Variants in DOCK3 observed in about 807,000 individuals in gnomAD.
The protein encoded by DOCK3 is dedicator of cytokinesis 3, also known as dedicator of cytokinesis protein 3.
A neutral mutation model predicts 265.6 loss-of-function variants in DOCK3; 60 were observed. The ratio of observed to expected loss-of-function variants is 0.23; its 90% CI spans 0.18 to 0.28. The LOEUF is 0.28. Among genes scored for constraint, DOCK3 ranks in the 10% least tolerant of loss-of-function variants. The probability of loss-of-function intolerance (pLI) is 1.00; values close to 1 mark genes in which losing one functional copy is unlikely to be tolerated. For missense variants in DOCK3, 1,981 were observed against 2,594.3 expected, an observed-to-expected ratio of 0.76 and a Z score of 5.14; for synonymous variants, 881 against 938.0, an observed-to-expected ratio of 0.94 and a Z score of 1.11.
intron 9 of DOCK3, among the ~76,000 whole-genome samples, chr3:51,107,201 AC>A (rs1385834817): frequency 6.6e-6 from 1 of 152,138 alleles, no homozygotes; most frequent in East Asian, 1.9e-4. Context: ...GGAAAAAAAA[AC>A]CATCCAAAGG....
intron 6 of DOCK3, among the ~76,000 whole-genome samples, chr3:51,074,153 A>G (rs2081977117): frequency 2.0e-5 from 3 of 152,190 alleles, no homozygotes; most frequent in African/African-American, 7.2e-5. Context: ...AGAATTCATA[A>G]CCCTTGTTTT....
chr3:51,047,395 T>TA (rs1276341293), intron 5 of DOCK3, among the ~76,000 whole-genome samples: 1 of 151,400 alleles, frequency 6.6e-6, no homozygotes, highest in African/African-American at 2.4e-5. Context: ...CCCTAGAACT[T>TA]AAAGTATAAT....
At chr3:50,918,014 G>GT (rs1482192088) in intron 4 of DOCK3, among the ~76,000 whole-genome samples, 1 of 151,988 alleles carries the variant, frequency 6.6e-6, no homozygotes, top group Non-Finnish European at 1.5e-5. Context: ...ACAGTGTTTG[G>GT]TTTTCTGTCC....
At chr3:50,769,481 A>G (rs952615259) in intron 1 of DOCK3, among the ~76,000 whole-genome samples, 24 of 152,160 alleles carry the variant, frequency 1.6e-4, no homozygotes, top group Non-Finnish European at 2.9e-5. Context: ...GACCTAGATG[A>G]AGATGCCCAC....
chr3:51,196,929 T>G (rs1369417025), intron 12 of DOCK3, among the ~76,000 whole-genome samples: 2 of 152,266 alleles, frequency 1.3e-5, no homozygotes, highest in Non-Finnish European at 2.9e-5. Flanking sequence ...ATTTCCTTGC[T>G]TTTTCATGTT....
intron 1 of DOCK3, among the ~76,000 whole-genome samples, chr3:50,770,529 A>G (rs2041209338): frequency 6.6e-6 from 1 of 152,160 alleles, no homozygotes; most frequent in South Asian, 2.1e-4. Flanking sequence ...AAAGAAATCT[A>G]CAGATTCAAG....
At chr3:51,031,021 A>G (rs1444261032) in intron 5 of DOCK3, among the ~76,000 whole-genome samples, 1 of 152,224 alleles carries the variant, frequency 6.6e-6, no homozygotes, top group Non-Finnish European at 1.5e-5. Flanking sequence ...TCAAAAAGGT[A>G]TGCTTTGTAC....
chr3:51,317,498 T>G (rs2083434198), intron 32 of DOCK3, among the ~76,000 whole-genome samples: 1 of 150,648 alleles, frequency 6.6e-6, no homozygotes, highest in Admixed American at 6.6e-5. Flanking sequence ...GGGAATCACT[T>G]GAACCCGGGA....
intron 7 of DOCK3, among the ~76,000 whole-genome samples, chr3:51,076,344 T>G (rs891090987): frequency 3.3e-5 from 5 of 152,188 alleles, no homozygotes; most frequent in African/African-American, 1.2e-4. Flanking sequence ...CACCTGTAGG[T>G]ACAGCCAGCT....
At chr3:51,048,162 C>T (rs2080847473) in intron 5 of DOCK3, among the ~76,000 whole-genome samples, 1 of 140,226 alleles carries the variant, frequency 7.1e-6, no homozygotes, top group Non-Finnish European at 1.5e-5. Flanking sequence ...AAGCATTTGA[C>T]AAAATCCAGC....
At chr3:50,849,819 C>G (rs1390078973) in intron 3 of DOCK3, among the ~76,000 whole-genome samples, 2 of 152,104 alleles carry the variant, frequency 1.3e-5, no homozygotes, top group African/African-American at 4.8e-5. Flanking sequence ...CAAGGTGACT[C>G]ATGCCTGTAA....
chr3:50,732,505 A>G (rs2038286007), intron 1 of DOCK3, among the ~76,000 whole-genome samples: 1 of 151,996 alleles, frequency 6.6e-6, no homozygotes, highest in Admixed American at 6.6e-5. Flanking sequence ...CCTGGGCTCA[A>G]GAGATCCTCC....
intron 23 of DOCK3, among the ~76,000 whole-genome samples, chr3:51,261,886 A>G (rs1244682177): frequency 2.0e-5 from 3 of 152,170 alleles, no homozygotes; most frequent in Non-Finnish European, 1.5e-5. Context: ...TGGGCAGGGC[A>G]TCTCTGAAAG....
chr3:51,185,397 C>T (rs1304693964), intron 12 of DOCK3, among the ~76,000 whole-genome samples: 2 of 152,130 alleles, frequency 1.3e-5, no homozygotes, highest in Non-Finnish European at 2.9e-5. Context: ...TCTTTCTGTA[C>T]TAAGGAGCAG....
chr3:51,278,959 T>C lies in DOCK3; in HGVS notation c.2824-1147T>C, dbSNP rs930925031. On this transcript the variant is annotated intron_variant, in intron 26 of 52. Coordinates refer to ENST00000266037, the MANE Select transcript of DOCK3 (RefSeq NM_004947.5). ...ATATTTTGCACACATGTATTTTTAATAATTTCAGGCCAGGCGTGATGGCTC... is the reference window on the plus strand; with the variant it reads ...ATATTTTGCACACATGTATTTTTAACAATTTCAGGCCAGGCGTGATGGCTC... Among the ~76,000 whole-genome samples the C allele has an allele frequency of 3.8e-4, 58 of 152,164 alleles. 2 individuals are homozygous for C. The highest frequency in any genetic ancestry group is 3.8e-3 in the Admixed American group (58 of 15,270).
chr3:50,808,325 G>T (rs1369964353), intron 2 of DOCK3, among the ~76,000 whole-genome samples: 1 of 152,130 alleles, frequency 6.6e-6, no homozygotes, highest in Non-Finnish European at 1.5e-5. Flanking sequence ...TAAAAATCCA[G>T]CAGGCTTTTT....
intron 22 of DOCK3, among the ~76,000 whole-genome samples, chr3:51,248,984 C>T (rs1246252769): frequency 2.1e-5 from 3 of 146,286 alleles, no homozygotes; most frequent in Non-Finnish European, 3.0e-5. Context: ...AGTGAGGAGC[C>T]TCTCCGCCCG....
intron 24 of DOCK3, among the ~76,000 whole-genome samples, chr3:51,273,295 T>A (rs1028780052): frequency 4.6e-5 from 7 of 151,980 alleles, no homozygotes; most frequent in Non-Finnish European, 1.0e-4. Flanking sequence ...TTCAGAAAAA[T>A]TTTCTTAATA....
intron 1 of DOCK3, among the ~76,000 whole-genome samples, chr3:50,726,526 C>G (rs2037839209): frequency 6.6e-6 from 1 of 152,132 alleles, no homozygotes; most frequent in South Asian, 2.1e-4. Flanking sequence ...AAGGCTAAGG[C>G]TGAGTTATAA....
Sources: gnomAD v4.1 joint callset for allele counts (sites outside exome capture counted in the v4.1 genomes callset) on GRCh38, gnomAD v4.1.1 for gene constraint, MANE v1.5 for transcripts, NCBI Gene and HGNC (gene_info 2026-07-23, HGNC 2026-07-21) for gene names.